NOC4L: variants seen among roughly 807,000 people sequenced by gnomAD.
The protein encoded by NOC4L is nucleolar complex protein 4 homolog.
A neutral mutation model predicts 62.8 loss-of-function variants in NOC4L; 40 were observed. That is an observed-to-expected ratio of 0.64 (90% CI 0.49 to 0.83). The LOEUF is 0.83. NOC4L is among the 40% of genes least tolerant of loss of function. The pLI, the probability that NOC4L is intolerant of heterozygous loss-of-function variation, is 0.00. For missense variants in NOC4L, 927 were observed against 701.9 expected (o/e 1.32, Z -3.62); for synonymous variants, 433 against 299.8 (o/e 1.44, Z -4.59).
intron 9 of NOC4L, 86 bp from the exon 10 acceptor site, chr12:132,150,895 A>T: frequency 4.1e-6 from 4 of 983,020 alleles, no homozygotes; most frequent in Non-Finnish European, 4.6e-6. Flanking sequence ...CAGAGGCCAC[A>T]CTCCACAGAC....
intron 3 of NOC4L, chr12:132,146,253 G>C (rs1427525886): frequency 6.6e-6 from 3 of 456,022 alleles, no homozygotes; most frequent in South Asian, 3.1e-5. Flanking sequence ...CTCCTCATAA[G>C]GGGGATCATA....
intron 1 of NOC4L, 49 bp downstream of exon 1, chr12:132,144,654 C>T: frequency 6.8e-7 from 1 of 1,465,308 alleles, no homozygotes. Flanking sequence ...GGGAGCGGGA[C>T]TTGAATGGGG....
Position 132,148,772 on chromosome 12 carries a change from G to T in NOC4L, c.790-12G>T, listed in dbSNP as rs778902835. On this transcript the variant is annotated splice_polypyrimidine_tract_variant and intron_variant, in intron 8 of 14. Transcript: ENST00000330579. ...ACCCGCCCCTCACCCCCACCTGCCG[G>T]CCCCCGCCCAGCTGCCCCTCAGCCT... 4.2e-5 allele frequency: 28 copies of T among 670,896 alleles called. No individual in the cohort carries two copies. The highest frequency in any genetic ancestry group is 1.0e-4 in the African/African-American group (2 of 19,850). The allele number at this position is 670,896 out of a possible 1,614,324, so 41.6% of individuals were successfully genotyped here.
chr12:132,145,194 T>G (rs1047867716), intron 2 of NOC4L, among the ~76,000 whole-genome samples: 1 of 152,170 alleles, frequency 6.6e-6, no homozygotes, highest in African/African-American at 2.4e-5. Context: ...GTACGACTTT[T>G]TGTGTGCTTT....
chr12:132,144,949 G>A lies in NOC4L; in HGVS notation c.213G>A (p.Leu71=), dbSNP rs2136684251. 1 of 1,600,162 alleles carries A rather than the reference G, an allele frequency of 6.2e-7. No individual in the cohort carries two copies. Among genetic ancestry groups the A allele is most frequent in the Non-Finnish European group, 8.5e-7 (1 of 1,174,284 alleles). ...LERGELFVGQ[L]PSEEMVMTGS... ...GGGGAGAGCTGTTTGTGGGCCAGCT[G>A]CCCTCTGAGGAGATGGTCATGACAG... The change falls in exon 2 of 15, where the codon CTG becomes CTA. Residue 71 remains leucine, a synonymous_variant. Transcript: ENST00000330579.
chr12:132,147,632 G>A lies in NOC4L; in HGVS notation c.454-1G>A. 1 of 1,612,746 alleles carries A rather than the reference G, an allele frequency of 6.2e-7. No individual in the cohort carries two copies. The highest frequency in any genetic ancestry group is 8.5e-7 in the Non-Finnish European group (1 of 1,179,878). ...GGCTGCTCACTGGTCCTTGCCCCTA[G>A]TTGGTGGTGGGAGGCCTGCTGTCTC... On this transcript the variant is annotated splice_acceptor_variant, in intron 4 of 14. Coordinates refer to ENST00000330579, the MANE Select transcript of NOC4L (RefSeq NM_024078.3). LOFTEE classifies it high-confidence loss of function.
At chr12:132,150,883 G>A (rs969915974) in intron 9 of NOC4L, 98 bp from the exon 10 acceptor site, 1 of 864,298 alleles carries the variant, frequency 1.2e-6, no homozygotes, top group Non-Finnish European at 1.8e-6. Flanking sequence ...GGACAGCAGG[G>A]GCAGAGGCCA....
intron 3 of NOC4L, 22 bp downstream of exon 3, chr12:132,145,687 A>T: frequency 6.6e-7 from 1 of 1,512,996 alleles, no homozygotes; most frequent in Non-Finnish European, 9.2e-7. Context: ...GGCTGGCCTC[A>T]TCCTTGTCCA....
intron 3 of NOC4L, among the ~76,000 whole-genome samples, chr12:132,146,049 G>A (rs2136686291): frequency 6.6e-6 from 1 of 152,338 alleles, no homozygotes; most frequent in African/African-American, 2.4e-5. Flanking sequence ...ACCGTTTAAA[G>A]CTGAGAAGTT....
chr12:132,150,902 A>C, intron 9 of NOC4L, 79 bp from the exon 10 acceptor site: 2 of 1,064,566 alleles, frequency 1.9e-6, no homozygotes, highest in Non-Finnish European at 2.8e-6. Flanking sequence ...CACACTCCAC[A>C]GACTTACACT....
At position 132,148,552 on chromosome 12, in the gene NOC4L, C is replaced by T. The variant is rs557207076; in HGVS notation, c.739-57C>T. 2,482 of 1,541,788 alleles carry T rather than the reference C, an allele frequency of 1.6e-3. 26 individuals carry two copies. The African/African-American group carries it at 0.03, about 19-fold the overall frequency. On this transcript the variant is annotated intron_variant, in intron 7 of 14. Coordinates refer to ENST00000330579, the MANE Select transcript of NOC4L (RefSeq NM_024078.3). ...GGGCTTCGGGGTGCCCTGGCAGCTG[C>T]TCGGGCTCTGGTCTGGGGTGGGGAG...
rs1565960273 is a variant in NOC4L at position 132,148,891 on chromosome 12, C to T, written c.897C>T (p.Asp299=). The T allele has an allele frequency of 7.3e-7, 1 of 1,362,248 alleles. No homozygotes were observed. Among genetic ancestry groups the T allele is most frequent in the Non-Finnish European group, 9.7e-7 (1 of 1,027,192 alleles). 84.4% of individuals were successfully genotyped at this position (1,362,248 alleles called of 1,614,324 possible). ...LMIDFLTRAC[D]LGGALSLLAL... ...TCGACTTCCTCACCCGCGCCTGCGA[C>T]CTCGGTGAGTGCCGCCGCCTCGCTC... The change falls in exon 9 of 15, where the codon GAC becomes GAT. Residue 299 remains aspartate (D), a synonymous_variant. Transcript: ENST00000330579.
chr12:132,151,368 C>G lies in NOC4L; in HGVS notation c.1073C>G (p.Ser358Cys). 1 of 1,608,870 alleles carries G rather than the reference C, an allele frequency of 6.2e-7. No homozygotes were observed. Among genetic ancestry groups the G allele is most frequent in the Non-Finnish European group, 8.5e-7 (1 of 1,179,810 alleles). Residue 358 changes from serine to cysteine, a missense_variant and splice_region_variant, in exon 11 of 15, where the codon TCC becomes TGC. By Grantham distance (112) the Ser-to-Cys change is moderately radical (BLOSUM62 -1). Transcript: ENST00000330579. ...FHLADLFLSS[S>C]HLPAYLVAAF... ...CTGGCTGACCTCTTCCTGTCCTCCTCGTGAGTACCAGGGCACCTGGCTCTG... is the reference window on the plus strand; with the variant it reads ...CTGGCTGACCTCTTCCTGTCCTCCTGGTGAGTACCAGGGCACCTGGCTCTG...
Position 132,147,774 on chromosome 12 carries a change from C to A in NOC4L, c.595C>A (p.His199Asn). 1.9e-6 allele frequency: 3 copies of A among 1,612,566 alleles called. No individual in the cohort carries two copies. In the Admixed American group the frequency reaches 5.0e-5, roughly 27 times the overall value. Residue 199 changes from histidine to asparagine, a missense_variant, in exon 5 of 15, where the codon CAC (histidine) becomes AAC (asparagine). His to Asn is a moderately conservative substitution (Grantham distance 68). Coordinates refer to ENST00000330579, the MANE Select transcript of NOC4L (RefSeq NM_024078.3). ...TGCCGTGGCCCGGGTCACTGGCCAGCACCCCGAGGTGGGTGATGGGGTCCT... is the reference window on the plus strand; with the variant it reads ...TGCCGTGGCCCGGGTCACTGGCCAGAACCCCGAGGTGGGTGATGGGGTCCT... ...VDAVARVTGQ[H>N]PEVPPAFWNN...
At chr12:132,145,939 C>T (rs1593426474) in intron 3 of NOC4L, among the ~76,000 whole-genome samples, 1 of 152,172 alleles carries the variant, frequency 6.6e-6, no homozygotes, top group East Asian at 1.9e-4. Flanking sequence ...CGTGCCAGTC[C>T]ACAGATGTGT....
In NOC4L at chr12:132,147,408, C is replaced by A; in HGVS notation, c.453+20C>A. 6.5e-7 allele frequency: 1 copy of A among 1,532,324 alleles called. No individual in the cohort carries two copies. Among genetic ancestry groups the A allele is most frequent in the Non-Finnish European group, 8.9e-7 (1 of 1,125,282 alleles). The allele number at this position is 1,532,324 out of a possible 1,614,324, so 94.9% of individuals were successfully genotyped here. ...TTCAAGGTGAGGGCCTTGCTGGGGA[C>A]TCCCAGAGGGCCTGGCTGGCTGGCC... On this transcript the variant is annotated intron_variant, in intron 4 of 14. Coordinates refer to ENST00000330579, the MANE Select transcript of NOC4L (RefSeq NM_024078.3).
At chr12:132,151,961 TG>T in intron 13 of NOC4L, 122 bp from the exon 14 acceptor site, 1 of 1,235,114 alleles carries the variant, frequency 8.1e-7, no homozygotes, top group Non-Finnish European at 1.1e-6. Context: ...GCTGGGTGCT[TG>T]GCCTTCTCAC....
intron 9 of NOC4L, 57 bp downstream of exon 9, chr12:132,148,952 G>T (rs1455166517): frequency 5.1e-5 from 18 of 356,274 alleles, no homozygotes; most frequent in East Asian, 3.0e-4. Flanking sequence ...GAGTGCCGCC[G>T]CCTCACTCCT....
rs368975297 is a variant in NOC4L at position 132,151,992 on chromosome 12, G to A, written c.1318-92G>A. 191 of 1,340,818 alleles carry A rather than the reference G, an allele frequency of 1.4e-4. 2 individuals are homozygous for A. In the East Asian group the frequency reaches 3.0e-3, roughly 21 times the overall value. The allele number at this position is 1,340,818 out of a possible 1,614,324, so 83.1% of individuals were successfully genotyped here. ...TCTCACGTGGCTCCGTCCCGACCCC[G>A]CCCACTCTGGTTGGGAGCACAGGGA... On this transcript the variant is annotated intron_variant, in intron 13 of 14. Coordinates refer to ENST00000330579, the MANE Select transcript of NOC4L (RefSeq NM_024078.3).
Sources: allele counts gnomAD v4.1 joint callset (sites outside exome capture counted in the v4.1 genomes callset), GRCh38; gene constraint gnomAD v4.1.1; transcripts MANE v1.5; gene names NCBI Gene and HGNC (gene_info 2026-07-23, HGNC 2026-07-21).